Variants in SDK1 observed in about 807,000 individuals in gnomAD.
The protein encoded by SDK1 is protein sidekick-1.
A neutral mutation model predicts 245.5 loss-of-function variants in SDK1; 157 were observed. The observed-to-expected ratio is 0.64, with a 90% CI of 0.56 to 0.73. SDK1 has a LOEUF of 0.73. Ranked by LOEUF, SDK1 falls within the 30% of genes least tolerant of loss-of-function variation. The pLI is 0.00. For missense variants in SDK1, 3,583 were observed against 3,002.3 expected, an observed-to-expected ratio of 1.19 and a Z score of -4.52; for synonymous variants, 1,647 against 1,278.5, an observed-to-expected ratio of 1.29 and a Z score of -6.15.
rs142371933 is a variant in SDK1, at chr7:3,643,247, C to T, written c.713+1142C>T. 5.7e-3 allele frequency: 864 copies of T among 151,680 alleles called. 8 individuals carry two copies. Among genetic ancestry groups the T allele is most frequent in the African/African-American group, 0.019 (781 of 41,238 alleles). 9.4% of individuals were successfully genotyped at this position (151,680 alleles called of 1,614,324 possible). ...CATCTGTGGAATCCCTTCCCTAAAC[C>T]TCATGATTCTCATCTACCTGAACAT... On this transcript the variant is annotated intron_variant, in intron 4 of 44. Transcript: ENST00000404826.
At chr7:4,194,364 ATGTG>A (rs1562415967) in intron 35 of SDK1, among the ~76,000 whole-genome samples, 12 of 101,194 alleles carry the variant, frequency 1.2e-4, no homozygotes, top group African/African-American at 3.4e-4. Flanking sequence ...GTATGCACGT[ATGTG>A]TATACATGTA....
intron 20 of SDK1, among the ~76,000 whole-genome samples, chr7:4,069,287 C>T (rs1383282009): frequency 6.6e-6 from 1 of 151,714 alleles, no homozygotes; most frequent in African/African-American, 2.4e-5. Context: ...AACAACTCAG[C>T]CTCCAACAGA....
intron 29 of SDK1, among the ~76,000 whole-genome samples, chr7:4,148,133 A>G (rs1301035614): frequency 6.6e-6 from 1 of 152,156 alleles, no homozygotes; most frequent in Non-Finnish European, 1.5e-5. Context: ...GAAACGGGAT[A>G]CGCTGGGCCA....
chr7:3,665,573 C>T (rs1046129365), intron 4 of SDK1, among the ~76,000 whole-genome samples: 8 of 152,296 alleles, frequency 5.3e-5, no homozygotes, highest in African/African-American at 1.9e-4. Flanking sequence ...TTGTGCCTGA[C>T]TAGTTAATAA....
intron 1 of SDK1, among the ~76,000 whole-genome samples, chr7:3,612,870 C>T (rs1451391106): frequency 2.6e-5 from 4 of 152,166 alleles, no homozygotes; most frequent in Admixed American, 1.3e-4. Context: ...ATCGTCACTT[C>T]ACCGGGACAC....
intron 14 of SDK1, among the ~76,000 whole-genome samples, chr7:3,995,243 C>G (rs1474272944): frequency 6.6e-6 from 1 of 152,248 alleles, no homozygotes; most frequent in Non-Finnish European, 1.5e-5. Flanking sequence ...CTCACCGAAT[C>G]TGGGAATTCT....
intron 2 of SDK1, among the ~76,000 whole-genome samples, chr7:3,621,670 A>G (rs949820232): frequency 2.6e-5 from 4 of 152,178 alleles, no homozygotes; most frequent in African/African-American, 9.7e-5. Context: ...ACCACCTGTA[A>G]TAGTGGTTTC....
intron 5 of SDK1, among the ~76,000 whole-genome samples, chr7:3,913,626 C>A (rs1008341559): frequency 6.6e-6 from 1 of 152,072 alleles, no homozygotes; most frequent in Non-Finnish European, 1.5e-5. Flanking sequence ...CTCATCCATT[C>A]TTTTCTCTGG....
At chr7:3,325,549 AG>A (rs2128549028) in intron 1 of SDK1, among the ~76,000 whole-genome samples, 1 of 152,226 alleles carries the variant, frequency 6.6e-6, no homozygotes, top group Non-Finnish European at 1.5e-5. Context: ...CCTAGTTCCC[AG>A]GGGCCAAAAT....
chr7:3,872,109 A>C (rs1249805888), intron 5 of SDK1, among the ~76,000 whole-genome samples: 1 of 152,174 alleles, frequency 6.6e-6, no homozygotes, highest in Non-Finnish European at 1.5e-5. Context: ...AGATTGGTGA[A>C]CTTACCTTAC....
intron 1 of SDK1, among the ~76,000 whole-genome samples, chr7:3,606,719 C>A (rs1276770689): frequency 6.6e-6 from 1 of 152,180 alleles, no homozygotes; most frequent in African/African-American, 2.4e-5. Context: ...AAACAATCTT[C>A]CTTGTTGAAA....
chr7:4,017,504 T>A, intron 17 of SDK1, 152 bp downstream of exon 17: 1 of 605,908 alleles, frequency 1.7e-6, no homozygotes, highest in Non-Finnish European at 2.8e-6. Context: ...TAATGGGATC[T>A]CTCCAGCTAT....
chr7:3,964,778 A>G (rs1038580167), intron 9 of SDK1, among the ~76,000 whole-genome samples: 1 of 152,216 alleles, frequency 6.6e-6, no homozygotes, highest in Non-Finnish European at 1.5e-5. Flanking sequence ...CACTGTGTGC[A>G]CAGCCAAGGG....
chr7:3,594,215 T>C (rs1780980263), intron 1 of SDK1, among the ~76,000 whole-genome samples: 1 of 152,226 alleles, frequency 6.6e-6, no homozygotes, highest in Non-Finnish European at 1.5e-5. Context: ...TAGACGGTTT[T>C]TGTCACTGAC....
At chr7:3,956,299 C>T (rs1781253164) in intron 7 of SDK1, among the ~76,000 whole-genome samples, 1 of 152,198 alleles carries the variant, frequency 6.6e-6, no homozygotes, top group African/African-American at 2.4e-5. Flanking sequence ...ACGGGCTTTT[C>T]ACGGTCCATA....
intron 4 of SDK1, among the ~76,000 whole-genome samples, chr7:3,809,011 C>A (rs189183582): frequency 1.6e-4 from 25 of 152,130 alleles, no homozygotes; most frequent in African/African-American, 5.8e-4. Context: ...TTAGGCTGTT[C>A]TTGCATTGTT....
intron 14 of SDK1, among the ~76,000 whole-genome samples, chr7:3,988,810 C>T (rs181638805): frequency 6.6e-5 from 10 of 152,304 alleles, no homozygotes; most frequent in Non-Finnish European, 1.0e-4. Flanking sequence ...CTTGCTCTGT[C>T]GCCCAGGCTG....
intron 4 of SDK1, among the ~76,000 whole-genome samples, chr7:3,713,573 T>C (rs150787860): frequency 1.1e-3 from 171 of 152,320 alleles, no homozygotes; most frequent in African/African-American, 4.1e-3. Context: ...TAGACTTCAG[T>C]ATTTATACCT....
rs574962645 is a variant in SDK1, at chr7:3,581,090, C to G, written c.299-37990C>G. On this transcript the variant is annotated intron_variant, in intron 1 of 44. Transcript: ENST00000404826. ...ATGAAGATGCTGAAAACAATTGCACCAAAAGCAAAAGTTGACAAATGGGAT... is the reference window on the plus strand; with the variant it reads ...ATGAAGATGCTGAAAACAATTGCACGAAAAGCAAAAGTTGACAAATGGGAT... 6.6e-5 allele frequency among the ~76,000 whole-genome samples: 10 copies of G among 150,776 alleles called. No individual in the cohort carries two copies. In the South Asian group the frequency reaches 2.1e-3, roughly 32 times the overall value.
Sources: gnomAD v4.1 joint callset for allele counts (sites outside exome capture counted in the v4.1 genomes callset) on GRCh38, gnomAD v4.1.1 for gene constraint, MANE v1.5 for transcripts, NCBI Gene and HGNC (gene_info 2026-07-23, HGNC 2026-07-21) for gene names.